GPR107: variants seen among roughly 807,000 people sequenced by gnomAD.
GPR107 encodes the protein G protein-coupled receptor 107.
In GPR107, 31 loss-of-function variants were observed where a neutral mutation model predicts 75.5. The observed-to-expected ratio is 0.41, with a 90% confidence interval of 0.31 to 0.55. The LOEUF (loss-of-function observed/expected upper bound fraction) is 0.55. GPR107 is among the 20% of genes least tolerant of loss of function. GPR107 has a pLI of 0.26. For missense variants in GPR107, 572 were observed against 665.7 expected, an observed-to-expected ratio of 0.86 and a Z score of 1.55; for synonymous variants, 267 against 251.3, an observed-to-expected ratio of 1.06 and a Z score of -0.59.
At position 130,137,293 on chromosome 9, in the gene GPR107, C is replaced by G. The variant is rs577579559; in HGVS notation, c.*2172C>G. ...AGAGGCAGGCGTGTGTGTGGACAAG[C>G]GCTGGAGCCGCAGCCCTCAGACTGG... On this transcript the variant is annotated 3_prime_UTR_variant, in exon 18 of 18. Transcript: ENST00000347136. 2 of 152,416 alleles carry G rather than the reference C, an allele frequency of 1.3e-5. No individual in the cohort carries two copies. The highest frequency in any genetic ancestry group is 3.9e-4 in the East Asian group (2 of 5,188). 9.4% of individuals were successfully genotyped at this position (152,416 alleles called of 1,614,324 possible).
At position 130,079,784 on chromosome 9, in the gene GPR107, G is replaced by A. The variant is rs1830449784; in HGVS notation, c.526+15G>A. On this transcript the variant is annotated intron_variant, in intron 5 of 17. Transcript: ENST00000347136. Reference sequence around the variant, plus strand: ...GAAGACACAAGGTAAACCGTAAGGTGGAAACTGGCTTTCAGTTTTCACTAC... The same window carrying A: ...GAAGACACAAGGTAAACCGTAAGGTAGAAACTGGCTTTCAGTTTTCACTAC... The A allele has an allele frequency of 1.3e-6, 2 of 1,559,648 alleles. No individual in the cohort carries two copies. The highest frequency in any genetic ancestry group is 1.7e-6 in the Non-Finnish European group (2 of 1,152,588).
Position 130,136,128 on chromosome 9 carries a change from C to T in GPR107, c.*1007C>T, listed in dbSNP as rs1388324266. 1 of 152,156 alleles carries T rather than the reference C, an allele frequency of 6.6e-6. No individual in the cohort carries two copies. Among genetic ancestry groups the T allele is most frequent in the Non-Finnish European group, 1.5e-5 (1 of 68,044 alleles). The allele number at this position is 152,156 out of a possible 1,614,324, so 9.4% of individuals were successfully genotyped here. A position where few individuals can be genotyped will look rare whatever the true frequency, so the allele number is the denominator to read the frequency against. ...CTTTTCCTGTAGGCTAGTAGGATTTCTAAATAGATGAATTCAACAGACTTG... is the reference window on the plus strand; with the variant it reads ...CTTTTCCTGTAGGCTAGTAGGATTTTTAAATAGATGAATTCAACAGACTTG... On this transcript the variant is annotated 3_prime_UTR_variant, in exon 18 of 18. Coordinates refer to ENST00000347136, the MANE Select transcript of GPR107 (RefSeq NM_020960.5).
intron 1 of GPR107, among the ~76,000 whole-genome samples, chr9:130,069,932 C>T (rs1427151786): frequency 1.3e-5 from 2 of 150,184 alleles, no homozygotes; most frequent in East Asian, 3.9e-4. Context: ...ATCTGCCCAC[C>T]TTGGCCTCCC....
chr9:130,092,301 T>G lies in GPR107; in HGVS notation c.783T>G (p.Pro261=). The change falls in exon 9 of 18, where the codon CCT becomes CCG. Residue 261 remains proline (P), a synonymous_variant. Transcript: ENST00000347136. ...PDSYLSAGEI[P]LPKLYISMAF... Reference sequence around the variant, plus strand: ...GCTACCTCTCAGCAGGAGAAATTCCTCTCCCCAAATTATACATCTCAATGG... The same window carrying G: ...GCTACCTCTCAGCAGGAGAAATTCCGCTCCCCAAATTATACATCTCAATGG... 6.2e-7 allele frequency: 1 copy of G among 1,607,654 alleles called. No individual in the cohort carries two copies. The highest frequency in any genetic ancestry group is 8.5e-7 in the Non-Finnish European group (1 of 1,174,068).
Position 130,127,547 on chromosome 9 carries a change from A to C in GPR107, c.1421A>C (p.Gln474Pro). Residue 474 changes from glutamine to proline, a missense_variant, in exon 16 of 18, where the codon CAG (glutamine) becomes CCG (proline). Transcript: ENST00000347136. ...AFLLKLAVPF[Q>P]WKWLYQLLDE... is the part of the protein sequence containing the mutation. ...CTCCTCAAACTCGCTGTTCCATTCC[A>C]GTGGAAGTGGCTCTACCAGGTACGC... The C allele has an allele frequency of 1.3e-6, 2 of 1,592,588 alleles. No homozygotes were observed. The highest frequency in any genetic ancestry group is 1.7e-6 in the Non-Finnish European group (2 of 1,160,288).
chr9:130,063,637 G>A (rs1829986442), intron 1 of GPR107, among the ~76,000 whole-genome samples: 2 of 151,978 alleles, frequency 1.3e-5, no homozygotes, highest in South Asian at 4.1e-4. Flanking sequence ...GTATGCCAGT[G>A]TGCTTCCTTC....
chr9:130,096,406 C>A (rs1830869168), intron 9 of GPR107, among the ~76,000 whole-genome samples: 1 of 152,002 alleles, frequency 6.6e-6, no homozygotes, highest in Admixed American at 6.6e-5. Context: ...TTTCCTGTCC[C>A]CTCTCCCACT....
chr9:130,071,067 ACT>A (rs1830197252), intron 1 of GPR107, among the ~76,000 whole-genome samples: 2 of 104,090 alleles, frequency 1.9e-5, no homozygotes, highest in African/African-American at 7.6e-5. Context: ...ACAGAGTCAC[ACT>A]CTGTGGCGCA....
At chr9:130,067,848 G>A (rs763240913) in intron 1 of GPR107, among the ~76,000 whole-genome samples, 1 of 140,518 alleles carries the variant, frequency 7.1e-6, no homozygotes, top group Non-Finnish European at 1.5e-5. Flanking sequence ...AAGTCCAAGT[G>A]ATCCTCCTGC....
chr9:130,075,784 CTT>C (rs11446412), intron 2 of GPR107, 35 bp downstream of exon 2: 7,856 of 664,020 alleles, frequency 0.012, no homozygotes, highest in Middle Eastern at 0.015. Context: ...GGGGTTTACT[CTT>C]TTTTTTTTTT....
chr9:130,072,649 T>G (rs1830238262), intron 1 of GPR107, among the ~76,000 whole-genome samples: 1 of 152,122 alleles, frequency 6.6e-6, no homozygotes, highest in Non-Finnish European at 1.5e-5. Context: ...AAAACCTGTT[T>G]TTCATGGCAT....
chr9:130,105,580 C>G (rs559201035), intron 13 of GPR107, among the ~76,000 whole-genome samples: 11 of 151,824 alleles, frequency 7.2e-5, no homozygotes, highest in Admixed American at 7.2e-4. Context: ...TTGCAATGCC[C>G]CATCCAGTAA....
chr9:130,071,864 T>C (rs1435486421), intron 1 of GPR107, among the ~76,000 whole-genome samples: 1 of 152,072 alleles, frequency 6.6e-6, no homozygotes, highest in African/African-American at 2.4e-5. Context: ...TTTGTACTTT[T>C]AGTAGAGACG....
chr9:130,107,338 C>CAAA (rs1831184476), intron 13 of GPR107, among the ~76,000 whole-genome samples, 158 bp from the exon 14 acceptor site: 1 of 152,040 alleles, frequency 6.6e-6, no homozygotes. Context: ...TCAACCATTT[C>CAAA]CCCCCCTCTA....
At position 130,135,387 on chromosome 9, in the gene GPR107, A is replaced by G; in HGVS notation, c.*266A>G. ...GGAGGAGGAGAGGAAGAGAAAAGGA[A>G]GAATTCATTTTTAATTTAGGTTTCT... On this transcript the variant is annotated 3_prime_UTR_variant, in exon 18 of 18. Transcript: ENST00000347136. 2.5e-6 allele frequency: 1 copy of G among 394,440 alleles called. No homozygotes were observed. The highest frequency in any genetic ancestry group is 4.7e-5 in the South Asian group (1 of 21,478). The allele number at this position is 394,440 out of a possible 1,614,324, so 24.4% of individuals were successfully genotyped here. A position where few individuals can be genotyped will look rare whatever the true frequency, so the allele number is the denominator to read the frequency against.
intron 1 of GPR107, among the ~76,000 whole-genome samples, chr9:130,062,438 A>AAT (rs1338829918): frequency 6.7e-6 from 1 of 148,436 alleles, no homozygotes; most frequent in African/African-American, 2.5e-5. Flanking sequence ...TAATAATAAT[A>AAT]ATAATAATAA....
chr9:130,133,498 TGGCTCGGGGCAGG>T (rs1222593812), intron 17 of GPR107, among the ~76,000 whole-genome samples: 1 of 152,184 alleles, frequency 6.6e-6, no homozygotes, highest in Non-Finnish European at 1.5e-5. Context: ...GGCTGCTACG[TGGCTCGGGGCAGG>T]GGCTTCTCTG....
At position 130,092,314 on chromosome 9, in the gene GPR107, T is replaced by C. The variant is rs150965960; in HGVS notation, c.796T>C (p.Tyr266His). The stretch of plus-strand genomic sequence containing the variant: ...AGGAGAAATTCCTCTCCCCAAATTA[T>C]ACATCTCAATGGCCTTTTTCTTCTT... ...SAGEIPLPKLYISMAFFFFLS... is the reference protein window; with the variant it reads ...SAGEIPLPKLHISMAFFFFLS... Residue 266 changes from tyrosine (Y) to histidine (H), a missense_variant, in exon 9 of 18, where the codon TAC becomes CAC. Transcript: ENST00000347136. The C allele has an allele frequency of 4.3e-5, 69 of 1,608,388 alleles. No homozygotes were observed. The highest frequency in any genetic ancestry group is 5.7e-5 in the Non-Finnish European group (67 of 1,174,852).
At chr9:130,097,309 C>T (rs889460262) in intron 9 of GPR107, among the ~76,000 whole-genome samples, 2 of 152,026 alleles carry the variant, frequency 1.3e-5, no homozygotes, top group African/African-American at 2.4e-5. Flanking sequence ...CATGTACGCC[C>T]ATGCCGGGCT....
Sources: gnomAD v4.1 joint callset for allele counts (sites outside exome capture counted in the v4.1 genomes callset) on GRCh38, gnomAD v4.1.1 for gene constraint, MANE v1.5 for transcripts, NCBI Gene and HGNC (gene_info 2026-07-23, HGNC 2026-07-21) for gene names.